Variants in VPS13B observed in about 807,000 individuals in gnomAD.
VPS13B encodes the protein intermembrane lipid transfer protein VPS13B.
In VPS13B, 285 loss-of-function variants were observed where a neutral mutation model predicts 426.4. The observed-to-expected ratio is 0.67, with a 90% CI of 0.61 to 0.74. The LOEUF (loss-of-function observed/expected upper bound fraction) is 0.74, where lower values mean the gene tolerates loss of function less well. VPS13B is among the 30% of genes least tolerant of loss of function. The pLI is 0.00. For synonymous variants in VPS13B, 1,676 were observed against 1,676.4 expected (o/e 1.00, Z 0.01); for missense variants, 4,537 against 4,782.6 (o/e 0.95, Z 1.51).
chr8:99,573,690 T>G (rs181946216), intron 31 of VPS13B, among the ~76,000 whole-genome samples: 1 of 152,222 alleles, frequency 6.6e-6, no homozygotes, highest in Non-Finnish European at 1.5e-5. Context: ...CCATGCTGTT[T>G]TGGTTACTAT....
chr8:99,490,788 C>G (rs1466208834), intron 25 of VPS13B, among the ~76,000 whole-genome samples: 2 of 152,034 alleles, frequency 1.3e-5, no homozygotes, highest in Non-Finnish European at 2.9e-5. Flanking sequence ...TGATTCTTCT[C>G]TCTTTTCTTC....
At chr8:99,179,053 T>C (rs537228901) in intron 16 of VPS13B, among the ~76,000 whole-genome samples, 1 of 152,244 alleles carries the variant, frequency 6.6e-6, no homozygotes, top group South Asian at 2.1e-4. Flanking sequence ...TGCCAGCTTC[T>C]TAGAAGAATC....
intron 17 of VPS13B, among the ~76,000 whole-genome samples, chr8:99,229,937 A>G (rs1226308368): frequency 6.6e-6 from 1 of 152,184 alleles, no homozygotes; most frequent in Non-Finnish European, 1.5e-5. Context: ...ATATATCTTG[A>G]CTTCTGACTT....
intron 3 of VPS13B, among the ~76,000 whole-genome samples, chr8:99,090,318 A>T (rs937979059): frequency 6.8e-6 from 1 of 146,714 alleles, no homozygotes; most frequent in Non-Finnish European, 1.5e-5. Context: ...CCCAGGCAGG[A>T]GTGCAGTGGT....
Position 99,672,653 on chromosome 8 carries a change from G to T in VPS13B, c.6046+11162G>T, listed in dbSNP as rs542571380. On this transcript the variant is annotated intron_variant, in intron 35 of 61. Transcript: ENST00000357162. ...TTTTATTTCTTTCTCTTACCTAATT[G>T]CTTTGTCTAGGATTTCCAATACTAT... Among the ~76,000 whole-genome samples the T allele has an allele frequency of 1.3e-5, 2 of 151,986 alleles. 1 individual carries two copies. The highest frequency in any genetic ancestry group is 4.2e-4 in the South Asian group (2 of 4,810).
chr8:99,450,298 A>G (rs959330039), intron 23 of VPS13B, among the ~76,000 whole-genome samples: 1 of 152,208 alleles, frequency 6.6e-6, no homozygotes, highest in Admixed American at 6.5e-5. Flanking sequence ...CTAAAGCAAA[A>G]ATGAAACTTA....
chr8:99,717,284 G>A lies in VPS13B; in HGVS notation c.6568G>A (p.Glu2190Lys). 6.2e-7 allele frequency: 1 copy of A among 1,613,966 alleles called. No individual in the cohort carries two copies. The highest frequency in any genetic ancestry group is 8.5e-7 in the Non-Finnish European group (1 of 1,179,982). Residue 2190 changes from glutamate to lysine, a missense_variant, in exon 37 of 62, where the codon GAA becomes AAA. By Grantham distance (56) the Glu-to-Lys change is moderately conservative. Coordinates refer to ENST00000357162, the MANE Select transcript of VPS13B (RefSeq NM_152564.5). ...IGPCCATANLEAKWCKHSGNP... is the reference protein window; with the variant it reads ...IGPCCATANLKAKWCKHSGNP... The stretch of plus-strand genomic sequence containing the variant: ...ACCATGTTGTGCTACTGCCAATCTG[G>A]AAGCTAAGTGGTGTAAACACAGCGG...
chr8:99,556,240 T>G (rs138817036), intron 30 of VPS13B, among the ~76,000 whole-genome samples: 30 of 151,384 alleles, frequency 2.0e-4, no homozygotes, highest in Non-Finnish European at 3.3e-4. Flanking sequence ...TAGTGTAGAT[T>G]ACTGTAAGTG....
rs146689158 is a variant in VPS13B at position 99,251,663 on chromosome 8, G to A, written c.2516-22535G>A. On this transcript the variant is annotated intron_variant, in intron 17 of 61. Coordinates refer to ENST00000357162, the MANE Select transcript of VPS13B (RefSeq NM_152564.5). The stretch of plus-strand genomic sequence containing the variant: ...CTTTTTTGTAATAGCTTTGGTTTTG[G>A]TATCAGGGTGATTCTAGCTTCATAA... 6.3e-3 allele frequency among the ~76,000 whole-genome samples: 961 copies of A among 152,150 alleles called. 8 individuals carry two copies. Among genetic ancestry groups the A allele is most frequent in the African/African-American group, 0.022 (902 of 41,526 alleles).
intron 31 of VPS13B, among the ~76,000 whole-genome samples, chr8:99,562,269 GC>G (rs572661623): frequency 2.0e-5 from 3 of 149,930 alleles, no homozygotes; most frequent in Admixed American, 1.3e-4. Context: ...TTTGTCTTTT[GC>G]CCCCCCCATC....
intron 17 of VPS13B, among the ~76,000 whole-genome samples, chr8:99,249,792 A>G (rs937121215): frequency 1.1e-4 from 17 of 152,172 alleles, no homozygotes; most frequent in African/African-American, 3.6e-4. Flanking sequence ...TGTAATCCCA[A>G]CACTTTGGGA....
chr8:99,227,802 G>A (rs904832783), intron 17 of VPS13B, among the ~76,000 whole-genome samples: 5 of 152,114 alleles, frequency 3.3e-5, no homozygotes, highest in South Asian at 2.1e-4. Flanking sequence ...TGTACTGTTG[G>A]TGGTAGTGTT....
At chr8:99,822,318 T>G (rs1172000918) in intron 50 of VPS13B, among the ~76,000 whole-genome samples, 1 of 152,192 alleles carries the variant, frequency 6.6e-6, no homozygotes, top group East Asian at 1.9e-4. Flanking sequence ...TTTGGTGACT[T>G]TTTAAAAAAT....
At chr8:99,473,313 C>T (rs538141138) in intron 24 of VPS13B, among the ~76,000 whole-genome samples, 4 of 152,020 alleles carry the variant, frequency 2.6e-5, no homozygotes, top group South Asian at 2.1e-4. Context: ...ATATATTATA[C>T]GTAATGGCCA....
At position 99,821,184 on chromosome 8, in the gene VPS13B, G is replaced by C; in HGVS notation, c.8995-110G>C. 3 of 734,204 alleles carry C rather than the reference G, an allele frequency of 4.1e-6. No homozygotes were observed. In the South Asian group the frequency reaches 4.9e-5, roughly 12 times the overall value. The allele number at this position is 734,204 out of a possible 1,614,324, so 45.5% of individuals were successfully genotyped here. On this transcript the variant is annotated intron_variant, in intron 49 of 61. Transcript: ENST00000357162. The stretch of plus-strand genomic sequence containing the variant: ...CACACACACCATGGAGGGATATTTG[G>C]TTACCTTAGTAGACCTATTATATAA...
At chr8:99,550,643 A>G (rs1824232228) in intron 30 of VPS13B, among the ~76,000 whole-genome samples, 1 of 150,286 alleles carries the variant, frequency 6.7e-6, no homozygotes, top group African/African-American at 2.5e-5. Context: ...TCTACTTTTT[A>G]TGTTCAGCTT....
At chr8:99,194,200 C>T (rs1176579980) in intron 17 of VPS13B, among the ~76,000 whole-genome samples, 1 of 152,090 alleles carries the variant, frequency 6.6e-6, no homozygotes, top group East Asian at 1.9e-4. Flanking sequence ...TAAAGAATAA[C>T]AAGATAAATG....
At chr8:99,712,951 C>T (rs1223495012) in intron 36 of VPS13B, among the ~76,000 whole-genome samples, 1 of 151,922 alleles carries the variant, frequency 6.6e-6, no homozygotes, top group Non-Finnish European at 1.5e-5. Flanking sequence ...CTTAAGTTCT[C>T]TAAGAGGTAG....
chr8:99,596,857 C>A (rs1283003748), intron 33 of VPS13B, among the ~76,000 whole-genome samples: 2 of 152,010 alleles, frequency 1.3e-5, no homozygotes, highest in Non-Finnish European at 2.9e-5. Flanking sequence ...AATTATTCTA[C>A]TATGAAAGTA....
Sources: allele counts gnomAD v4.1 joint callset (sites outside exome capture counted in the v4.1 genomes callset), GRCh38; gene constraint gnomAD v4.1.1; transcripts MANE v1.5; gene names NCBI Gene and HGNC (gene_info 2026-07-23, HGNC 2026-07-21).